Variants in PDLIM5 observed in about 807,000 individuals in gnomAD.
The protein encoded by PDLIM5 is PDZ and LIM domain protein 5.
Under a neutral mutation model 64.2 loss-of-function variants are expected in PDLIM5, and 34 were observed. The ratio of observed to expected loss-of-function variants is 0.53; its 90% confidence interval spans 0.40 to 0.71. The LOEUF (loss-of-function observed/expected upper bound fraction) is 0.71. Ranked by LOEUF, PDLIM5 falls within the 30% of genes least tolerant of loss-of-function variation. PDLIM5 has a pLI of 0.00. For missense variants in PDLIM5, 683 were observed against 733.6 expected (o/e 0.93, Z 0.80); for synonymous variants, 253 against 269.1 (o/e 0.94, Z 0.59).
intron 2 of PDLIM5, among the ~76,000 whole-genome samples, chr4:94,516,826 C>T (rs945935793): frequency 2.0e-5 from 3 of 152,112 alleles, no homozygotes; most frequent in East Asian, 1.9e-4. Flanking sequence ...ACCACTGTGC[C>T]CACCCCAGCC....
chr4:94,523,503 T>G (rs865976673), intron 2 of PDLIM5, among the ~76,000 whole-genome samples: 3 of 151,036 alleles, frequency 2.0e-5, no homozygotes, highest in South Asian at 2.1e-4. Flanking sequence ...GAAAATTCAG[T>G]TTTTTTTTAT....
intron 3 of PDLIM5, among the ~76,000 whole-genome samples, chr4:94,562,378 G>GTA (rs1463972881): frequency 6.6e-6 from 1 of 152,124 alleles, no homozygotes; most frequent in Admixed American, 6.5e-5. Flanking sequence ...CTTCATACTT[G>GTA]TATTAGGTAG....
At chr4:94,611,348 T>G in intron 7 of PDLIM5, 1 of 621,430 alleles carries the variant, frequency 1.6e-6, no homozygotes, top group Non-Finnish European at 2.8e-6. Flanking sequence ...GTAATGTCAG[T>G]GGCATGCTAA....
intron 7 of PDLIM5, among the ~76,000 whole-genome samples, chr4:94,599,029 T>C (rs1004622314): frequency 2.6e-5 from 4 of 152,152 alleles, no homozygotes; most frequent in Non-Finnish European, 5.9e-5. Flanking sequence ...CGTGAAGTAC[T>C]CAGGGGCCAG....
rs538272417 is a variant in PDLIM5, at chr4:94,582,244, T to G, written c.711-3321T>G. ...GAAAGATTTTTCTCTTATTCTCTTCTGATTTTAAGTGATTCTAAAATGATC... is the reference window on the plus strand; with the variant it reads ...GAAAGATTTTTCTCTTATTCTCTTCGGATTTTAAGTGATTCTAAAATGATC... On this transcript the variant is annotated intron_variant, in intron 5 of 12. Coordinates refer to ENST00000317968, the MANE Select transcript of PDLIM5 (RefSeq NM_006457.5). Among the ~76,000 whole-genome samples, 16 of 152,330 alleles carry G rather than the reference T, an allele frequency of 1.1e-4. No individual in the cohort carries two copies. In the South Asian group the frequency reaches 3.3e-3, roughly 32 times the overall value.
intron 2 of PDLIM5, among the ~76,000 whole-genome samples, chr4:94,497,532 T>C (rs534270134): frequency 6.6e-6 from 1 of 152,298 alleles, no homozygotes; most frequent in African/African-American, 2.4e-5. Flanking sequence ...ATAAATTGAT[T>C]ATGCTCATCT....
chr4:94,496,761 G>A (rs1369093912), intron 2 of PDLIM5, among the ~76,000 whole-genome samples: 1 of 152,124 alleles, frequency 6.6e-6, no homozygotes, highest in Non-Finnish European at 1.5e-5. Flanking sequence ...CCAAAGTGTT[G>A]GGATTACAGG....
At position 94,458,976 on chromosome 4, in the gene PDLIM5, G is replaced by C. The variant is rs1004630508; in HGVS notation, c.96+3592G>C. On this transcript the variant is annotated intron_variant, in intron 2 of 12. Coordinates refer to ENST00000317968, the MANE Select transcript of PDLIM5 (RefSeq NM_006457.5). ...TTCCGATCCTTAAAATGGAGTGCGG[G>C]CTACCTAAGTTTGCAGGCTGTCTTT... 2.6e-5 allele frequency among the ~76,000 whole-genome samples: 4 copies of C among 152,142 alleles called. No homozygotes were observed. The East Asian group carries it at 7.7e-4, about 29-fold the overall frequency.
At chr4:94,624,294 G>A (rs1328307846) in intron 8 of PDLIM5, among the ~76,000 whole-genome samples, 1 of 152,010 alleles carries the variant, frequency 6.6e-6, no homozygotes, top group Non-Finnish European at 1.5e-5. Flanking sequence ...CTCCAACCTG[G>A]GTGACAGAGC....
intron 2 of PDLIM5, among the ~76,000 whole-genome samples, chr4:94,478,890 G>GTTTTTTTTTTTTTTTTTTTTTTTTT (rs67013211): frequency 1.1e-5 from 1 of 94,124 alleles, no homozygotes. Flanking sequence ...TGTGCTTGGT[G>GTTTTTTTTTTTTTTTTTTTTTTTTT]TTTTTTTTTT....
intron 2 of PDLIM5, among the ~76,000 whole-genome samples, chr4:94,494,168 C>G (rs1419201696): frequency 4.0e-5 from 6 of 151,892 alleles, no homozygotes; most frequent in African/African-American, 1.5e-4. Flanking sequence ...GGGTCTTGCT[C>G]TGTTACCCAG....
intron 3 of PDLIM5, among the ~76,000 whole-genome samples, chr4:94,531,317 A>G (rs1420684423): frequency 1.3e-5 from 2 of 152,124 alleles, no homozygotes; most frequent in Non-Finnish European, 2.9e-5. Context: ...ACAAACATGT[A>G]TTGACATGCT....
At chr4:94,471,444 T>C (rs1724861579) in intron 2 of PDLIM5, among the ~76,000 whole-genome samples, 1 of 152,262 alleles carries the variant, frequency 6.6e-6, no homozygotes, top group African/African-American at 2.4e-5. Flanking sequence ...TAGTCAAATA[T>C]CTGTAAACAT....
intron 7 of PDLIM5, 44 bp downstream of exon 7, chr4:94,586,488 G>T (rs546464874): frequency 2.6e-6 from 3 of 1,163,222 alleles, no homozygotes; most frequent in African/African-American, 3.1e-5. Context: ...TTCCTTTCAC[G>T]AATGGTCTCA....
chr4:94,526,761 TCGC>T, intron 3 of PDLIM5, among the ~76,000 whole-genome samples: 1 of 150,948 alleles, frequency 6.6e-6, no homozygotes, highest in Non-Finnish European at 1.5e-5. Flanking sequence ...AGACTGAATC[TCGC>T]TCTGTCGCCC....
chr4:94,662,985 A>G (rs35338416), intron 12 of PDLIM5, among the ~76,000 whole-genome samples: 6,271 of 152,208 alleles, frequency 0.041, 455 homozygotes, highest in African/African-American at 0.14. Flanking sequence ...TAGCCCCTGG[A>G]TATTCTTTTC....
chr4:94,478,208 A>T (rs1280332359), intron 2 of PDLIM5, among the ~76,000 whole-genome samples: 5 of 150,884 alleles, frequency 3.3e-5, no homozygotes, highest in African/African-American at 1.2e-4. Context: ...GTGAGCCAAG[A>T]TCACGGTATT....
chr4:94,564,679 A>T, intron 3 of PDLIM5, among the ~76,000 whole-genome samples: 1 of 31,304 alleles, frequency 3.2e-5, no homozygotes, highest in African/African-American at 2.7e-4. Context: ...TTTTTTTGAC[A>T]GAGTCTTGCT....
intron 9 of PDLIM5, among the ~76,000 whole-genome samples, chr4:94,649,391 C>T (rs1424220751): frequency 6.6e-6 from 1 of 152,196 alleles, no homozygotes; most frequent in Non-Finnish European, 1.5e-5. Flanking sequence ...AGGGTCTTTA[C>T]TCAAATATCA....
Sources: gnomAD v4.1 joint callset for allele counts (sites outside exome capture counted in the v4.1 genomes callset) on GRCh38, gnomAD v4.1.1 for gene constraint, MANE v1.5 for transcripts, NCBI Gene and HGNC (gene_info 2026-07-23, HGNC 2026-07-21) for gene names.